The following SASH1 variants were observed in gnomAD, a reference collection of about 807,000 sequenced individuals.
SASH1 encodes SAM and SH3 domain-containing protein 1.
In SASH1, 44 loss-of-function variants were observed where a neutral mutation model predicts 125.2. That is an observed-to-expected ratio of 0.35 (90% confidence interval 0.28 to 0.45). The LOEUF (loss-of-function observed/expected upper bound fraction) is 0.45. Ranked by LOEUF, SASH1 falls within the 20% of genes least tolerant of loss-of-function variation. The pLI is 1.00. For synonymous variants in SASH1, 639 were observed against 649.1 expected (o/e 0.98, Z 0.24); for missense variants, 1,426 against 1,614.5 (o/e 0.88, Z 2.00).
intron 4 of SASH1, among the ~76,000 whole-genome samples, chr6:148,443,629 T>G (rs1776651722): frequency 1.3e-5 from 2 of 151,820 alleles, no homozygotes; most frequent in Admixed American, 1.3e-4. Flanking sequence ...AGTGTTACTG[T>G]GATGGTTGCA....
At chr6:148,489,937 G>T (rs556909716) in intron 8 of SASH1, among the ~76,000 whole-genome samples, 1 of 147,974 alleles carries the variant, frequency 6.8e-6, no homozygotes, top group African/African-American at 2.5e-5. Context: ...GGAGGCTGAG[G>T]TGGGAGGATT....
chr6:148,299,270 A>C (rs902131655), intron 1 of SASH1, among the ~76,000 whole-genome samples: 12 of 152,234 alleles, frequency 7.9e-5, no homozygotes, highest in Non-Finnish European at 1.8e-4. Flanking sequence ...AGGGGAGCGG[A>C]CACTCTAACA....
chr6:148,289,872 T>G (rs1379331929), intron 1 of SASH1, among the ~76,000 whole-genome samples: 1 of 143,092 alleles, frequency 7.0e-6, no homozygotes, highest in Non-Finnish European at 1.5e-5. Flanking sequence ...TTTTTTTTTT[T>G]TTTTTTTTTT....
At chr6:148,548,162 A>T (rs1003535838) in intron 19 of SASH1, 133 bp from the exon 20 acceptor site, 1 of 771,610 alleles carries the variant, frequency 1.3e-6, no homozygotes, top group Non-Finnish European at 2.0e-6. Context: ...GATCTCTGAC[A>T]CTCATTGCAT....
chr6:148,424,253 G>A (rs1283738868), intron 2 of SASH1, among the ~76,000 whole-genome samples: 3 of 150,930 alleles, frequency 2.0e-5, no homozygotes, highest in South Asian at 2.1e-4. Context: ...TTGGGGGGGG[G>A]AGGTGGGACA....
Position 148,533,801 on chromosome 6 carries a change from C to A in SASH1, c.1765C>A (p.Pro589Thr), listed in dbSNP as rs773943920. 6.2e-7 allele frequency: 1 copy of A among 1,613,696 alleles called. No individual in the cohort carries two copies. Among genetic ancestry groups the A allele is most frequent in the Admixed American group, 1.7e-5 (1 of 60,024 alleles). The change falls in exon 15 of 20, where the codon CCA becomes ACA. Residue 589 changes from proline to threonine, a missense_variant. Physicochemically the swap from Pro to Thr is conservative, Grantham distance 38. Coordinates refer to ENST00000367467, the MANE Select transcript of SASH1 (RefSeq NM_015278.5). The surrounding 1 kb of genome is among the most constrained non-coding windows in gnomAD (Gnocchi z 6.2). The part of the protein sequence containing the change: ...KGDIIDIISK[P>T]PMGTWMGLLN... ...AGATATCATCGATATAATCAGCAAG[C>A]CACCCATGGGGACCTGGATGGGCCT...
rs1781601077 is a variant in SASH1, at chr6:148,532,808, G to C, written c.1576G>C (p.Val526Leu). 6.2e-7 allele frequency: 1 copy of C among 1,614,112 alleles called. No homozygotes were observed. Reference sequence around the variant, plus strand: ...TGTTTCCTGTACAGGCGGTCAAACAGTGAGCACCACTGATTCCTCAACCAG... The same window carrying C: ...TGTTTCCTGTACAGGCGGTCAAACACTGAGCACCACTGATTCCTCAACCAG... ...SGQSSMSGQT[V>L]STTDSSTSNR... Residue 526 changes from valine to leucine, a missense_variant, in exon 14 of 20, where the codon GTG (valine) becomes CTG (leucine). Physicochemically the swap from Val to Leu is conservative, Grantham distance 32. Coordinates refer to ENST00000367467, the MANE Select transcript of SASH1 (RefSeq NM_015278.5). This position sits in a 1 kb window ranked among gnomAD's most constrained non-coding sequence, Gnocchi z 4.7.
intron 1 of SASH1, among the ~76,000 whole-genome samples, chr6:148,285,482 T>C (rs530712270): frequency 7.7e-4 from 118 of 152,302 alleles, no homozygotes; most frequent in African/African-American, 2.6e-3. Context: ...TCTGGGATAG[T>C]AGCTAGAGAA....
chr6:148,365,547 A>G (rs1423654656), intron 1 of SASH1, among the ~76,000 whole-genome samples: 4 of 151,874 alleles, frequency 2.6e-5, no homozygotes. Context: ...TCATGACCAT[A>G]TTTCCCTTTA....
At chr6:148,535,578 A>G (rs775452211) in intron 16 of SASH1, among the ~76,000 whole-genome samples, 2 of 152,206 alleles carry the variant, frequency 1.3e-5, no homozygotes, top group Admixed American at 6.5e-5. Flanking sequence ...TTGGCTTGCA[A>G]ATTCCCAACC....
At chr6:148,271,593 T>C (rs1779062863), upstream of SASH1, among the ~76,000 whole-genome samples, 1 of 152,220 alleles carries the variant, frequency 6.6e-6, no homozygotes, top group Admixed American at 6.5e-5. Flanking sequence ...TCAAAATTCA[T>C]GTTTTTGTAA....
chr6:148,355,340 G>A (rs1781889903), intron 1 of SASH1, among the ~76,000 whole-genome samples: 1 of 152,186 alleles, frequency 6.6e-6, no homozygotes, highest in Non-Finnish European at 1.5e-5. Context: ...TGACGCCCAG[G>A]TGGTGATTTA....
intron 7 of SASH1, among the ~76,000 whole-genome samples, chr6:148,485,396 A>G (rs570609936): frequency 3.0e-4 from 45 of 152,300 alleles, no homozygotes; most frequent in African/African-American, 1.1e-3. Context: ...TAATACCCAA[A>G]AGTTTAAACA....
intron 1 of SASH1, among the ~76,000 whole-genome samples, chr6:148,327,293 T>A (rs1458479704): frequency 6.6e-6 from 1 of 151,644 alleles, no homozygotes; most frequent in African/African-American, 2.4e-5. Flanking sequence ...ATTTCTTTTT[T>A]TTTTTTTTTG....
chr6:148,222,389 G>T, the SASH1 span, among the ~76,000 whole-genome samples: 10 of 152,126 alleles, frequency 6.6e-5, no homozygotes, highest in African/African-American at 2.4e-4. Context: ...ACAGAGGCTG[G>T]AGGTACTCCT....
Position 148,543,852 on chromosome 6 carries a change from C to A in SASH1, c.2382C>A (p.Asp794Glu). ...EGRLGGGLAP[D>E]TSKSCDPPGV... is the part of the protein sequence containing the mutation. ...GGCTGGGTGGTGGCCTTGCCCCAGACACGTCCAAGAGCTGTGACCCACCTG... is the reference window on the plus strand; with the variant it reads ...GGCTGGGTGGTGGCCTTGCCCCAGAAACGTCCAAGAGCTGTGACCCACCTG... The change falls in exon 18 of 20, where the codon GAC (aspartate) becomes GAA (glutamate). Residue 794 changes from aspartate to glutamate, a missense_variant. Asp to Glu is a conservative substitution (Grantham distance 45, BLOSUM62 2). Transcript: ENST00000367467. The A allele has an allele frequency of 6.2e-7, 1 of 1,614,176 alleles. No individual in the cohort carries two copies. The highest frequency in any genetic ancestry group is 2.2e-5 in the East Asian group (1 of 44,888).
At chr6:148,391,143 C>G (rs1393206567) in intron 2 of SASH1, among the ~76,000 whole-genome samples, 2 of 149,686 alleles carry the variant, frequency 1.3e-5, no homozygotes, top group Middle Eastern at 3.2e-3. Context: ...GAGTTTCTCT[C>G]TTGTCCCCCA....
intron 15 of SASH1, 106 bp downstream of exon 15, chr6:148,534,086 G>C: frequency 1.1e-6 from 1 of 916,080 alleles, no homozygotes; most frequent in African/African-American, 1.7e-5. Context: ...GCTGATCTGT[G>C]TGGTCCAATA....
In SASH1 at chr6:148,519,061, G is replaced by A. The variant is rs1026307301; in HGVS notation, c.863-486G>A. Among the ~76,000 whole-genome samples, 9 of 152,218 alleles carry A rather than the reference G, an allele frequency of 5.9e-5. No homozygotes were observed. The highest frequency in any genetic ancestry group is 1.2e-4 in the Non-Finnish European group (8 of 68,036). ...CCACCAAAACTTCCTTGGAGATTTA[G>A]TCACTCAAATGGCATATGTACCAAT... On this transcript the variant is annotated intron_variant, in intron 9 of 19. Transcript: ENST00000367467. This position sits in a 1 kb window ranked among gnomAD's most constrained non-coding sequence, Gnocchi z 4.8.
Sources: allele counts gnomAD v4.1 joint callset (sites outside exome capture counted in the v4.1 genomes callset), GRCh38; gene constraint gnomAD v4.1.1; non-coding constraint Gnocchi (gnomAD v3.1); transcripts MANE v1.5; gene names NCBI Gene and HGNC (gene_info 2026-07-23, HGNC 2026-07-21).